The following ITGA9 variants were observed in gnomAD, a reference collection of about 807,000 sequenced individuals.
ITGA9 encodes the protein integrin alpha-9.
Under a neutral mutation model 127.8 loss-of-function variants are expected in ITGA9, and 56 were observed. The observed-to-expected ratio is 0.44, with a 90% CI of 0.35 to 0.55. The LOEUF (loss-of-function observed/expected upper bound fraction) is 0.55, where lower values mean the gene tolerates loss of function less well. ITGA9 is among the 20% of genes least tolerant of loss of function. The probability of loss-of-function intolerance (pLI) is 0.00; values close to 1 mark genes in which losing one functional copy is unlikely to be tolerated. For synonymous variants in ITGA9, 508 were observed against 514.5 expected, an observed-to-expected ratio of 0.99 and a Z score of 0.17; for missense variants, 1,196 against 1,347.1, an observed-to-expected ratio of 0.89 and a Z score of 1.76.
At chr3:37,738,467 C>T (rs934689338) in intron 20 of ITGA9, among the ~76,000 whole-genome samples, 1 of 152,148 alleles carries the variant, frequency 6.6e-6, no homozygotes, top group African/African-American at 2.4e-5. Context: ...GAAAGAGGAG[C>T]CTGGGCGCTA....
At chr3:37,738,077 T>C (rs947613989) in intron 20 of ITGA9, among the ~76,000 whole-genome samples, 1 of 152,262 alleles carries the variant, frequency 6.6e-6, no homozygotes, top group Non-Finnish European at 1.5e-5. Flanking sequence ...TTATGCCAGT[T>C]ATCCCAATAA....
At chr3:37,468,128 T>C (rs1037780921) in intron 1 of ITGA9, among the ~76,000 whole-genome samples, 4 of 152,102 alleles carry the variant, frequency 2.6e-5, no homozygotes, top group African/African-American at 9.7e-5. Context: ...GTTCCAGCCC[T>C]GCTTCTGCTT....
intron 13 of ITGA9, among the ~76,000 whole-genome samples, chr3:37,533,020 A>G (rs1182339516): frequency 1.3e-5 from 2 of 152,334 alleles, no homozygotes; most frequent in East Asian, 3.9e-4. Context: ...AAAATTTTAA[A>G]TAATTACCCA....
At chr3:37,671,538 T>C (rs1318680415) in intron 17 of ITGA9, among the ~76,000 whole-genome samples, 1 of 152,226 alleles carries the variant, frequency 6.6e-6, no homozygotes, top group Non-Finnish European at 1.5e-5. Context: ...GGGAAACCAC[T>C]ATTTTGGCTC....
chr3:37,539,820 C>T (rs537573667), intron 14 of ITGA9, among the ~76,000 whole-genome samples: 1 of 152,146 alleles, frequency 6.6e-6, no homozygotes, highest in African/African-American at 2.4e-5. Context: ...GCAGCTGGAG[C>T]TCAGTCCTGC....
chr3:37,742,214 C>G (rs1283271665), intron 21 of ITGA9, among the ~76,000 whole-genome samples: 1 of 152,214 alleles, frequency 6.6e-6, no homozygotes, highest in Non-Finnish European at 1.5e-5. Flanking sequence ...CAGAGATTAT[C>G]ACCAGATGTG....
intron 9 of ITGA9, among the ~76,000 whole-genome samples, chr3:37,515,352 G>A (rs1698974154): frequency 6.6e-6 from 1 of 152,198 alleles, no homozygotes; most frequent in Non-Finnish European, 1.5e-5. Flanking sequence ...AGTTGGGAGA[G>A]GGCAGAGGTT....
chr3:37,760,545 A>T (rs967159226), intron 23 of ITGA9, among the ~76,000 whole-genome samples: 1 of 152,216 alleles, frequency 6.6e-6, no homozygotes, highest in African/African-American at 2.4e-5. Context: ...AGAAAAAAAA[A>T]TTTGATGAAA....
At chr3:37,679,535 C>T (rs1387508336) in intron 17 of ITGA9, among the ~76,000 whole-genome samples, 1 of 152,088 alleles carries the variant, frequency 6.6e-6, no homozygotes, top group African/African-American at 2.4e-5. Context: ...TGGGTGGGTT[C>T]CCCTTTCTGG....
chr3:37,544,300 G>A (rs919293382), intron 15 of ITGA9, among the ~76,000 whole-genome samples: 11 of 152,118 alleles, frequency 7.2e-5, no homozygotes, highest in Admixed American at 1.3e-4. Context: ...TCAGGGTTGC[G>A]CAAGGGGTTG....
chr3:37,747,534 C>T (rs1014539421), intron 22 of ITGA9, among the ~76,000 whole-genome samples: 4 of 146,972 alleles, frequency 2.7e-5, no homozygotes, highest in Non-Finnish European at 4.5e-5. Flanking sequence ...CACCCCCCGC[C>T]ACAGCCATCC....
chr3:37,503,682 T>C (rs1163759248), intron 6 of ITGA9, among the ~76,000 whole-genome samples: 3 of 152,192 alleles, frequency 2.0e-5, no homozygotes, highest in Non-Finnish European at 4.4e-5. Context: ...TGCTTTCTGA[T>C]CACAAAACTG....
intron 15 of ITGA9, among the ~76,000 whole-genome samples, chr3:37,596,236 A>T (rs992379934): frequency 2.0e-5 from 3 of 152,206 alleles, no homozygotes; most frequent in African/African-American, 7.2e-5. Flanking sequence ...ATCCTGAGTC[A>T]AGATGCTTGA....
At position 37,499,766 on chromosome 3, in the gene ITGA9, C is replaced by T. The variant is rs569793176; in HGVS notation, c.613-3412C>T. Among the ~76,000 whole-genome samples, 11 of 152,030 alleles carry T rather than the reference C, an allele frequency of 7.2e-5. No homozygotes were observed. In the East Asian group the frequency reaches 9.7e-4, roughly 13 times the overall value. The stretch of plus-strand genomic sequence containing the variant: ...GGTGTGAGCACTGGGGGCGGAGTGG[C>T]GTGGTGCGGTAAAAACAAGAGCTGT... On this transcript the variant is annotated intron_variant, in intron 5 of 27. Coordinates refer to ENST00000264741, the MANE Select transcript of ITGA9 (RefSeq NM_002207.3).
rs190211319 is a variant in ITGA9, at chr3:37,697,926, G to A, written c.2067+13911G>A. ...AATCACCACACTGTCTTCCACAATG[G>A]TTGAACTAGTTGACAGTCCCACCAA... On this transcript the variant is annotated intron_variant, in intron 18 of 27. Transcript: ENST00000264741. Among the ~76,000 whole-genome samples, 323 of 152,308 alleles carry A rather than the reference G, an allele frequency of 2.1e-3. 1 individual carries two copies. Among genetic ancestry groups the A allele is most frequent in the Non-Finnish European group, 3.8e-3 (258 of 68,030 alleles).
chr3:37,698,568 T>C (rs1217731491), intron 18 of ITGA9, among the ~76,000 whole-genome samples: 3 of 152,212 alleles, frequency 2.0e-5, no homozygotes, highest in South Asian at 4.1e-4. Flanking sequence ...CACAATATGT[T>C]TTCTCCATTA....
chr3:37,819,611 GTGTGGAGTCACATGCTAA>G lies in ITGA9; in HGVS notation c.*627_*644del, dbSNP rs1285569552. ...TTCACATCTTTATCGCCTCGATCAA[GTGTGGAGTCACATGCTAA>G]TGTGTGCTAAAGAACTGTAAGTGTT... On this transcript the variant is annotated 3_prime_UTR_variant, in exon 28 of 28. Coordinates refer to ENST00000264741, the MANE Select transcript of ITGA9 (RefSeq NM_002207.3). 2 of 153,754 alleles carry G rather than the reference GTGTGGAGTCACATGCTAA, an allele frequency of 1.3e-5. No individual in the cohort carries two copies. Among genetic ancestry groups the G allele is most frequent in the Admixed American group, 6.4e-5 (1 of 15,546 alleles). The allele number at this position is 153,754 out of a possible 1,614,324, so 9.5% of individuals were successfully genotyped here.
At chr3:37,678,126 A>G (rs774799416) in intron 17 of ITGA9, among the ~76,000 whole-genome samples, 7 of 152,250 alleles carry the variant, frequency 4.6e-5, no homozygotes, top group African/African-American at 2.4e-5. Flanking sequence ...TAGTGCTGCT[A>G]TGAACATGGG....
intron 18 of ITGA9, among the ~76,000 whole-genome samples, chr3:37,705,422 G>A (rs964596880): frequency 1.3e-5 from 2 of 152,190 alleles, no homozygotes; most frequent in African/African-American, 4.8e-5. Flanking sequence ...ATAGAACAAG[G>A]CCCTGGGAAA....
Sources: allele counts gnomAD v4.1 joint callset (sites outside exome capture counted in the v4.1 genomes callset), GRCh38; gene constraint gnomAD v4.1.1; transcripts MANE v1.5; gene names NCBI Gene and HGNC (gene_info 2026-07-23, HGNC 2026-07-21).